The following RUNDC3B variants were observed in gnomAD, a reference collection of about 807,000 sequenced individuals.
The protein encoded by RUNDC3B is RUN domain containing 3B.
A neutral mutation model predicts 58.4 loss-of-function variants in RUNDC3B; 33 were observed. That is an observed-to-expected ratio of 0.56 (90% CI 0.43 to 0.75). The LOEUF (loss-of-function observed/expected upper bound fraction) is 0.75. Among genes scored for constraint, RUNDC3B ranks in the 30% least tolerant of loss-of-function variants. RUNDC3B has a pLI of 0.00. For synonymous variants in RUNDC3B, 193 were observed against 195.2 expected (o/e 0.99, Z 0.10); for missense variants, 501 against 535.7 (o/e 0.94, Z 0.64).
chr7:87,715,047 G>T (rs1407650686), intron 4 of RUNDC3B, among the ~76,000 whole-genome samples: 2 of 151,142 alleles, frequency 1.3e-5, no homozygotes, highest in East Asian at 3.9e-4. Context: ...ATAGTTTCAG[G>T]GGGTCTCCCT....
intron 2 of RUNDC3B, among the ~76,000 whole-genome samples, chr7:87,696,923 G>T (rs1446581989): frequency 6.6e-6 from 1 of 152,076 alleles, no homozygotes; most frequent in East Asian, 1.9e-4. Context: ...ACCCTTCTCT[G>T]CTTAACCTAA....
In RUNDC3B at chr7:87,821,143, A is replaced by G. The variant is rs1214426445; in HGVS notation, c.1225+4881A>G. ...CATGATTGTATATCTAGAAAACCCC[A>G]TTGTCTCAGCCCAAAATCTCCTTAA... On this transcript the variant is annotated intron_variant, in intron 10 of 10. Coordinates refer to ENST00000394654, the MANE Select transcript of RUNDC3B (RefSeq NM_001134405.2). Among the ~76,000 whole-genome samples, 10 of 151,814 alleles carry G rather than the reference A, an allele frequency of 6.6e-5. No individual in the cohort carries two copies. In the South Asian group the frequency reaches 1.9e-3, roughly 28 times the overall value.
chr7:87,807,506 A>C lies in RUNDC3B; in HGVS notation c.1090A>C (p.Lys364Gln). The change falls in exon 9 of 11, where the codon AAA (lysine) becomes CAA (glutamine). Residue 364 changes from lysine to glutamine, a missense_variant. Transcript: ENST00000394654. The part of the protein sequence containing the change: ...LDTLLYRKHN[K>Q]QWYEKSYQSL... The stretch of plus-strand genomic sequence containing the variant: ...TACGTTGCTTTACCGAAAACACAAT[A>C]AACAGTGGTATGAGTAAGTGTAATA... 1 of 1,613,064 alleles carries C rather than the reference A, an allele frequency of 6.2e-7. No homozygotes were observed. Among genetic ancestry groups the C allele is most frequent in the Non-Finnish European group, 8.5e-7 (1 of 1,179,102 alleles).
intron 1 of RUNDC3B, among the ~76,000 whole-genome samples, chr7:87,647,340 A>G (rs750207990): frequency 1.3e-5 from 2 of 152,120 alleles, no homozygotes; most frequent in African/African-American, 4.8e-5. Context: ...TTTATTAAAA[A>G]TTCCCATTTT....
chr7:87,831,535 C>G lies in RUNDC3B; in HGVS notation c.*1505C>G, dbSNP rs1421950758. On this transcript the variant is annotated 3_prime_UTR_variant, in exon 11 of 11. Transcript: ENST00000394654. ...TAGATGTGCCAGAACATATTCAGAG[C>G]TTTATTCCTTTAAGCTTAAGGCTTC... The G allele has an allele frequency of 6.6e-6, 1 of 152,002 alleles. No individual in the cohort carries two copies. The highest frequency in any genetic ancestry group is 6.6e-5 in the Admixed American group (1 of 15,240). 9.4% of individuals were successfully genotyped at this position (152,002 alleles called of 1,614,324 possible).
chr7:87,800,353 ATCTTTTAGAAGACCT>A (rs1836074806), intron 8 of RUNDC3B, among the ~76,000 whole-genome samples: 1 of 152,200 alleles, frequency 6.6e-6, no homozygotes, highest in African/African-American at 2.4e-5. Context: ...GGATTTCTAG[ATCTTTTAGAAGACCT>A]CGTACCACAT....
chr7:87,725,246 G>T (rs964487576), intron 4 of RUNDC3B, among the ~76,000 whole-genome samples: 1 of 151,882 alleles, frequency 6.6e-6, no homozygotes, highest in Non-Finnish European at 1.5e-5. Context: ...CCCACTCCCC[G>T]CACCCCACAA....
chr7:87,675,653 C>CAAAAAAAAAAAAAAAAAAAAAAAAAAAAA (rs200136132), intron 2 of RUNDC3B, among the ~76,000 whole-genome samples: 1 of 65,852 alleles, frequency 1.5e-5, no homozygotes, highest in African/African-American at 5.8e-5. Flanking sequence ...TATTCACATG[C>CAAAAAAAAAAAAAAAAAAAAAAAAAAAAA]AAAAAAAAAA....
At chr7:87,713,934 A>G (rs1563156003) in intron 4 of RUNDC3B, among the ~76,000 whole-genome samples, 1 of 152,186 alleles carries the variant, frequency 6.6e-6, no homozygotes, top group African/African-American at 2.4e-5. Flanking sequence ...TTTAATTTAT[A>G]ATGAAAAAGT....
intron 7 of RUNDC3B, among the ~76,000 whole-genome samples, chr7:87,776,368 A>G (rs890003438): frequency 2.0e-5 from 3 of 152,194 alleles, no homozygotes; most frequent in African/African-American, 7.2e-5. Flanking sequence ...ATGGAATACT[A>G]TACAGTTTTT....
At chr7:87,781,569 A>C (rs1584192746) in intron 8 of RUNDC3B, among the ~76,000 whole-genome samples, 1 of 152,030 alleles carries the variant, frequency 6.6e-6, no homozygotes, top group Non-Finnish European at 1.5e-5. Context: ...TCTACTTCCC[A>C]AGGGGAATGT....
At chr7:87,663,250 A>G (rs1824891973) in intron 2 of RUNDC3B, among the ~76,000 whole-genome samples, 2 of 151,914 alleles carry the variant, frequency 1.3e-5, no homozygotes, top group Non-Finnish European at 2.9e-5. Context: ...TTGTCTGTTA[A>G]TCCCTCTTAT....
chr7:87,633,469 C>G (rs941724795), intron 1 of RUNDC3B, among the ~76,000 whole-genome samples: 4 of 152,142 alleles, frequency 2.6e-5, no homozygotes, highest in Non-Finnish European at 5.9e-5. Flanking sequence ...GAGCTTTTGC[C>G]TAAGTGGCCC....
chr7:87,637,526 T>C (rs565950380), intron 1 of RUNDC3B, among the ~76,000 whole-genome samples: 7 of 152,290 alleles, frequency 4.6e-5, no homozygotes, highest in Admixed American at 2.0e-4. Flanking sequence ...CTTTATGATA[T>C]TAAGACTTAC....
chr7:87,748,959 T>G (rs1374202801), intron 6 of RUNDC3B, among the ~76,000 whole-genome samples: 1 of 152,170 alleles, frequency 6.6e-6, no homozygotes, highest in East Asian at 1.9e-4. Flanking sequence ...TTATACTGTT[T>G]TGGGATACGT....
intron 4 of RUNDC3B, among the ~76,000 whole-genome samples, chr7:87,713,915 A>T (rs1583975039): frequency 6.6e-6 from 1 of 152,322 alleles, no homozygotes; most frequent in East Asian, 1.9e-4. Context: ...CTTTGCAATT[A>T]TATCAGTATT....
intron 8 of RUNDC3B, among the ~76,000 whole-genome samples, chr7:87,783,153 G>A (rs1399071030): frequency 1.3e-5 from 2 of 151,662 alleles, no homozygotes; most frequent in African/African-American, 2.4e-5. Flanking sequence ...GTGTGTGTGT[G>A]TATGTGTGTG....
At chr7:87,755,931 A>G (rs1206184473) in intron 6 of RUNDC3B, among the ~76,000 whole-genome samples, 1 of 152,000 alleles carries the variant, frequency 6.6e-6, no homozygotes, top group Non-Finnish European at 1.5e-5. Flanking sequence ...GTATGGAGAT[A>G]ATTTACAAGA....
intron 1 of RUNDC3B, among the ~76,000 whole-genome samples, chr7:87,649,778 G>C (rs1028619114): frequency 6.6e-6 from 1 of 152,186 alleles, no homozygotes; most frequent in Non-Finnish European, 1.5e-5. Context: ...GGACTCAGTG[G>C]TAGGTAATTG....
Sources: allele counts gnomAD v4.1 joint callset (sites outside exome capture counted in the v4.1 genomes callset), GRCh38; gene constraint gnomAD v4.1.1; transcripts MANE v1.5; gene names NCBI Gene and HGNC (gene_info 2026-07-23, HGNC 2026-07-21).